Variants in DAB1 observed in about 807,000 individuals in gnomAD.
The protein encoded by DAB1 is DAB adaptor protein 1, also known as disabled homolog 1.
Under a neutral mutation model 64.6 loss-of-function variants are expected in DAB1, and 15 were observed. The observed-to-expected ratio is 0.23, with a 90% CI of 0.16 to 0.36. The LOEUF (loss-of-function observed/expected upper bound fraction) is 0.36, where lower values mean the gene tolerates loss of function less well. Ranked by LOEUF, DAB1 falls within the 10% of genes least tolerant of loss-of-function variation. DAB1 has a pLI of 1.00. For synonymous variants in DAB1, 235 were observed against 251.9 expected, an observed-to-expected ratio of 0.93 and a Z score of 0.64; for missense variants, 596 against 706.7, an observed-to-expected ratio of 0.84 and a Z score of 1.78.
intron 9 of DAB1, among the ~76,000 whole-genome samples, chr1:57,058,649 C>T (rs1483629933): frequency 1.3e-5 from 2 of 152,190 alleles, no homozygotes; most frequent in African/African-American, 2.4e-5. Flanking sequence ...TGAGTGATCA[C>T]TGTTATTAAT....
intron 7 of DAB1, among the ~76,000 whole-genome samples, chr1:57,600,964 C>T (rs1458818780): frequency 6.6e-6 from 1 of 152,002 alleles, no homozygotes; most frequent in African/African-American, 2.4e-5. Flanking sequence ...TGTTGCTCAC[C>T]ACTTGTTTTT....
chr1:58,443,440 A>G (rs1645034282), intron 3 of DAB1, among the ~76,000 whole-genome samples: 1 of 152,234 alleles, frequency 6.6e-6, no homozygotes, highest in Non-Finnish European at 1.5e-5. Flanking sequence ...ATCATCGCCA[A>G]GGCTTTTTGT....
At chr1:57,234,593 G>A (rs1330968880) in intron 2 of DAB1, among the ~76,000 whole-genome samples, 1 of 152,072 alleles carries the variant, frequency 6.6e-6, no homozygotes, top group African/African-American at 2.4e-5. Flanking sequence ...CATGTAACCA[G>A]TCACCACAGA....
chr1:57,202,482 C>A (rs1227763614), intron 2 of DAB1, among the ~76,000 whole-genome samples: 4 of 152,166 alleles, frequency 2.6e-5, no homozygotes, highest in African/African-American at 9.6e-5. Flanking sequence ...GATCCGTTTA[C>A]CTGCATTCAC....
chr1:57,332,967 T>G (rs1007324779), intron 1 of DAB1, among the ~76,000 whole-genome samples: 4 of 152,204 alleles, frequency 2.6e-5, no homozygotes, highest in Admixed American at 1.3e-4. Context: ...CTGTCTTATC[T>G]GTTGAAACTC....
chr1:57,163,070 G>A (rs181270438), intron 2 of DAB1, among the ~76,000 whole-genome samples: 185 of 152,294 alleles, frequency 1.2e-3, no homozygotes, highest in African/African-American at 4.4e-3. Context: ...AACATGTACT[G>A]AATGCCCACT....
intron 7 of DAB1, chr1:57,649,565 G>A (rs1298213317): frequency 1.3e-5 from 2 of 152,082 alleles, no homozygotes; most frequent in Non-Finnish European, 2.9e-5. Context: ...TTGTACCAAC[G>A]ATACCCAGCC....
At chr1:57,953,423 A>G (rs1056613614) in intron 5 of DAB1, among the ~76,000 whole-genome samples, 1 of 152,190 alleles carries the variant, frequency 6.6e-6, no homozygotes, top group Admixed American at 6.5e-5. Context: ...TGTAAGCCAC[A>G]CCTGAATGCT....
intron 3 of DAB1, among the ~76,000 whole-genome samples, chr1:58,403,401 A>T (rs950036312): frequency 1.3e-5 from 2 of 152,208 alleles, no homozygotes; most frequent in African/African-American, 4.8e-5. Context: ...AGTGCTTTAG[A>T]ATTTTCCTAA....
chr1:58,441,559 T>C (rs1362382510), intron 3 of DAB1, among the ~76,000 whole-genome samples: 1 of 152,234 alleles, frequency 6.6e-6, no homozygotes, highest in African/African-American at 2.4e-5. Flanking sequence ...AACTCTGCCC[T>C]GCCTAGCTAG....
chr1:58,212,284 A>G (rs900417760), intron 4 of DAB1, among the ~76,000 whole-genome samples: 3 of 152,188 alleles, frequency 2.0e-5, no homozygotes, highest in African/African-American at 7.2e-5. Flanking sequence ...TGCCTTGTTT[A>G]TTGCTCATTT....
chr1:58,155,461 T>A (rs2100740423), intron 4 of DAB1, among the ~76,000 whole-genome samples: 1 of 152,276 alleles, frequency 6.6e-6, no homozygotes, highest in Non-Finnish European at 1.5e-5. Flanking sequence ...CTATTCTAAG[T>A]TAACACTGTG....
In DAB1 at chr1:58,063,786, G is replaced by A. The variant is rs372681295; in HGVS notation, n.387+86725C>T. Among the ~76,000 whole-genome samples the A allele has an allele frequency of 9.9e-4, 151 of 152,282 alleles. 2 individuals are homozygous for A. Among genetic ancestry groups the A allele is most frequent in the African/African-American group, 3.5e-3 (147 of 41,552 alleles). On this transcript the variant is annotated intron_variant and non_coding_transcript_variant, in intron 5 of 20. Coordinates refer to the DAB1 transcript ENST00000485760. ...CGCTATATTTCACAATGGGAAAGCCGCAGGTGGATAGCCCAAGCCAATTGC... is the reference window on the plus strand; with the variant it reads ...CGCTATATTTCACAATGGGAAAGCCACAGGTGGATAGCCCAAGCCAATTGC...
At chr1:58,279,787 T>C (rs1318881819) in intron 4 of DAB1, among the ~76,000 whole-genome samples, 1 of 152,132 alleles carries the variant, frequency 6.6e-6, no homozygotes. Context: ...TCACCAAAGA[T>C]GTTGTCCCTG....
chr1:57,064,277 G>A (rs182104203), intron 8 of DAB1, among the ~76,000 whole-genome samples: 16 of 152,236 alleles, frequency 1.1e-4, no homozygotes, highest in Non-Finnish European at 2.1e-4. Flanking sequence ...AGAAAGTGAC[G>A]CTCAGAGATG....
intron 5 of DAB1, among the ~76,000 whole-genome samples, chr1:58,012,995 C>T (rs1183451556): frequency 6.6e-6 from 1 of 152,120 alleles, no homozygotes; most frequent in Non-Finnish European, 1.5e-5. Flanking sequence ...TGTGGACTGA[C>T]TCAATGCTCA....
chr1:58,188,557 C>T (rs934721182), intron 4 of DAB1, among the ~76,000 whole-genome samples: 1 of 152,148 alleles, frequency 6.6e-6, no homozygotes, highest in Non-Finnish European at 1.5e-5. Flanking sequence ...ATACTAAGAT[C>T]CCATGTTTAT....
intron 4 of DAB1, among the ~76,000 whole-genome samples, chr1:57,097,255 T>A (rs1191497187): frequency 6.6e-6 from 1 of 152,236 alleles, no homozygotes; most frequent in African/African-American, 2.4e-5. Context: ...TATATTAAGA[T>A]AGGCTAAGTT....
At chr1:57,139,056 C>T (rs544328920) in intron 3 of DAB1, among the ~76,000 whole-genome samples, 1 of 152,116 alleles carries the variant, frequency 6.6e-6, no homozygotes, top group Non-Finnish European at 1.5e-5. Flanking sequence ...ATGTTACTAT[C>T]CCTTTCCACC....
Sources: allele counts gnomAD v4.1 joint callset (sites outside exome capture counted in the v4.1 genomes callset), GRCh38; gene constraint gnomAD v4.1.1; transcripts MANE v1.5; gene names NCBI Gene and HGNC (gene_info 2026-07-23, HGNC 2026-07-21).